NOP53: variants seen among roughly 807,000 people sequenced by gnomAD.
NOP53 encodes ribosome biogenesis protein NOP53.
NOP53 carries 40 observed loss-of-function variants against 61.0 expected under a neutral mutation model. That is an observed-to-expected ratio of 0.66 (90% CI 0.51 to 0.85). The LOEUF is 0.85. Ranked by LOEUF, NOP53 falls within the 40% of genes least tolerant of loss-of-function variation. The probability of loss-of-function intolerance (pLI) is 0.00; values close to 1 mark genes in which losing one functional copy is unlikely to be tolerated. For synonymous variants in NOP53, 308 were observed against 289.5 expected, an observed-to-expected ratio of 1.06 and a Z score of -0.65; for missense variants, 689 against 652.9, an observed-to-expected ratio of 1.06 and a Z score of -0.60.
In NOP53 at chr19:47,755,397, T is replaced by A; in HGVS notation, c.1103T>A (p.Leu368Gln). ...GCCGCCCGGCTCCGGCACCAGGAGC[T>A]GTTCCGGCTGCGCGGGATCAAGGCC... ...LRAARLRHQE[L>Q]FRLRGIKAQV... is the part of the protein sequence containing the mutation. Residue 368 changes from leucine (L) to glutamine (Q), a missense_variant, in exon 9 of 13, where the codon CTG becomes CAG. Leu to Gln is a moderately radical substitution (Grantham distance 113, BLOSUM62 -2). Transcript: ENST00000246802. The A allele has an allele frequency of 6.5e-7, 1 of 1,531,196 alleles. No individual in the cohort carries two copies. The highest frequency in any genetic ancestry group is 8.7e-7 in the Non-Finnish European group (1 of 1,143,798). 94.9% of individuals were successfully genotyped at this position (1,531,196 alleles called of 1,614,324 possible).
chr19:47,749,995 G>A (rs1967105118), intron 2 of NOP53, among the ~76,000 whole-genome samples, 183 bp from the exon 3 acceptor site: 1 of 152,128 alleles, frequency 6.6e-6, no homozygotes, highest in Admixed American at 6.5e-5. Context: ...GAGGGTCAGA[G>A]CTTGGGCACC....
intron 1 of NOP53, chr19:47,746,128 GTA>G (rs1168031722): frequency 1.4e-5 from 4 of 288,748 alleles, no homozygotes; most frequent in South Asian, 5.6e-5. Context: ...ATATGTGTGT[GTA>G]TATATATGTG....
intron 4 of NOP53, 155 bp from the exon 5 acceptor site, chr19:47,751,365 G>T: frequency 3.0e-6 from 2 of 662,810 alleles, no homozygotes; most frequent in East Asian, 2.7e-5. Flanking sequence ...ACACAGTTTT[G>T]TCCTGGTGAT....
At chr19:47,746,110 G>T in intron 1 of NOP53, 1 of 371,214 alleles carries the variant, frequency 2.7e-6, no homozygotes, top group Non-Finnish European at 4.9e-6. Context: ...GTGTGTGTGT[G>T]TATGTATATA....
At chr19:47,751,933 C>A (rs1250485590) in intron 5 of NOP53, among the ~76,000 whole-genome samples, 2 of 128,578 alleles carry the variant, frequency 1.6e-5, no homozygotes, top group East Asian at 2.1e-4. Context: ...GAAACCCTGT[C>A]TCTACTAAAA....
rs772991567 is a variant in NOP53 at position 47,755,369 on chromosome 19, C to T, written c.1075C>T (p.Arg359Trp). ...HRLRVQQAAL[R>W]AARLRHQELF... Reference sequence around the variant, plus strand: ...ACAGCGGGTACAGCAGGCCGCGTTGCGGGCCGCCCGGCTCCGGCACCAGGA... The same window carrying T: ...ACAGCGGGTACAGCAGGCCGCGTTGTGGGCCGCCCGGCTCCGGCACCAGGA... The change falls in exon 9 of 13, where the codon CGG (arginine) becomes TGG (tryptophan). Residue 359 changes from arginine (R) to tryptophan (W), a missense_variant. Transcript: ENST00000246802. 3.6e-5 allele frequency: 54 copies of T among 1,517,578 alleles called. No homozygotes were observed. The South Asian group carries it at 5.3e-4, about 15-fold the overall frequency. The allele number at this position is 1,517,578 out of a possible 1,614,324, so 94.0% of individuals were successfully genotyped here. A position where few individuals can be genotyped will look rare whatever the true frequency, so the allele number is the denominator to read the frequency against.
At chr19:47,755,317 C>T in intron 8 of NOP53, 31 bp from the exon 9 acceptor site, 1 of 1,421,782 alleles carries the variant, frequency 7.0e-7, no homozygotes. Flanking sequence ...GCAGCACCGG[C>T]CTGAGCCCTG....
At chr19:47,748,871 T>A (rs760756718) in intron 2 of NOP53, among the ~76,000 whole-genome samples, 31 of 151,484 alleles carry the variant, frequency 2.0e-4, no homozygotes, top group Non-Finnish European at 3.7e-4. Context: ...AGAGCAAGAC[T>A]CTGTCTCAAG....
chr19:47,751,654 T>C, intron 5 of NOP53, 64 bp downstream of exon 5: 2 of 1,234,174 alleles, frequency 1.6e-6, no homozygotes, highest in Non-Finnish European at 2.4e-6. Context: ...AGCTGCTCTG[T>C]GTTCCTGCAG....
At chr19:47,751,389 G>A in intron 4 of NOP53, 131 bp from the exon 5 acceptor site, 2 of 725,912 alleles carry the variant, frequency 2.8e-6, no homozygotes, top group South Asian at 3.4e-5. Context: ...GGCCCTTGGG[G>A]TCTAGAATCA....
rs1967184143 is a variant in NOP53, at chr19:47,755,540, G to A, written c.1229+17G>A. The A allele has an allele frequency of 6.8e-7, 1 of 1,464,606 alleles. No homozygotes were observed. Among genetic ancestry groups the A allele is most frequent in the African/African-American group, 1.4e-5 (1 of 69,862 alleles). 90.7% of individuals were successfully genotyped at this position (1,464,606 alleles called of 1,614,324 possible). A position where few individuals can be genotyped will look rare whatever the true frequency, so the allele number is the denominator to read the frequency against. ...GCGGCTCAAGTGAGAACCAGGCCGG[G>A]GGTTCTGGGAGAGGCTGGGGAGGGG... is the stretch of plus-strand genomic sequence containing the variant. On this transcript the variant is annotated intron_variant, in intron 9 of 12. Coordinates refer to ENST00000246802, the MANE Select transcript of NOP53 (RefSeq NM_015710.5).
intron 4 of NOP53, 85 bp downstream of exon 4, chr19:47,751,192 TG>T: frequency 1.6e-6 from 2 of 1,275,182 alleles, no homozygotes; most frequent in Non-Finnish European, 2.2e-6. Flanking sequence ...GAGAGTACAG[TG>T]TGAAAGGGAG....
At position 47,754,599 on chromosome 19, in the gene NOP53, G is replaced by A. The variant is rs1303080845; in HGVS notation, c.838G>A (p.Ala280Thr). 4 of 1,549,754 alleles carry A rather than the reference G, an allele frequency of 2.6e-6. No homozygotes were observed. Among genetic ancestry groups the A allele is most frequent in the Non-Finnish European group, 3.5e-6 (4 of 1,147,844 alleles). Residue 280 changes from alanine to threonine, a missense_variant, in exon 7 of 13, where the codon GCC becomes ACC. Physicochemically the swap from Ala to Thr is moderately conservative, Grantham distance 58. Coordinates refer to ENST00000246802, the MANE Select transcript of NOP53 (RefSeq NM_015710.5). The surrounding 1 kb of genome is among the most constrained non-coding windows in gnomAD (Gnocchi z 4.2). ...KEAEKLERQL[A>T]LPATEQAATQ... is the part of the protein sequence containing the mutation. ...GGCGGAGAAGCTGGAGCGGCAGCTGGCCCTGCCCGCCACGGAGCAGGCCGC... is the reference window on the plus strand; with the variant it reads ...GGCGGAGAAGCTGGAGCGGCAGCTGACCCTGCCCGCCACGGAGCAGGCCGC...
At chr19:47,746,150 G>A (rs1019416837) in intron 1 of NOP53, 11 of 211,856 alleles carry the variant, frequency 5.2e-5, no homozygotes, top group African/African-American at 1.4e-4. Context: ...GTATATGTGT[G>A]TATATATATA....
chr19:47,746,746 A>C (rs1599912129), intron 1 of NOP53: 1 of 426,614 alleles, frequency 2.3e-6, no homozygotes, highest in Non-Finnish European at 4.2e-6. Flanking sequence ...CAGGTGAGCC[A>C]CCCGCCTGGG....
chr19:47,748,755 C>T (rs1000585417), intron 2 of NOP53, among the ~76,000 whole-genome samples: 2 of 152,044 alleles, frequency 1.3e-5, no homozygotes, highest in African/African-American at 4.8e-5. Flanking sequence ...ACTAGCCGGA[C>T]GTCATGGTAC....
At chr19:47,753,812 T>G (rs971264318) in intron 6 of NOP53, 2 of 152,252 alleles carry the variant, frequency 1.3e-5, no homozygotes, top group African/African-American at 4.8e-5. Context: ...ATTCAGTGGC[T>G]TTTAGTGACC....
At chr19:47,746,002 A>G in intron 1 of NOP53, 1 of 504,354 alleles carries the variant, frequency 2.0e-6, no homozygotes, top group East Asian at 3.2e-5. Context: ...ATAAATATAC[A>G]GGACGCTCAA....
rs201704848 is a variant in NOP53 at position 47,745,559 on chromosome 19, G to A, written c.-1G>A. On this transcript the variant is annotated 5_prime_UTR_variant, in exon 1 of 13. Coordinates refer to ENST00000246802, the MANE Select transcript of NOP53 (RefSeq NM_015710.5). ...AGTGGCTGAGTTCTTCCTTTGACAA[G>A]ATGGCGGCAGGAGGCAGTGGCGTTG... The A allele has an allele frequency of 5.5e-5, 88 of 1,613,332 alleles. No individual in the cohort carries two copies. The highest frequency in any genetic ancestry group is 1.7e-4 in the Middle Eastern group (1 of 5,726).
Sources: gnomAD v4.1 joint callset for allele counts (sites outside exome capture counted in the v4.1 genomes callset) on GRCh38, gnomAD v4.1.1 for gene constraint, Gnocchi (gnomAD v3.1) non-coding constraint, MANE v1.5 for transcripts, NCBI Gene and HGNC (gene_info 2026-07-23, HGNC 2026-07-21) for gene names.